The following DOCK2 variants were observed in gnomAD, a reference collection of about 807,000 sequenced individuals.
DOCK2 encodes dedicator of cytokinesis protein 2.
Under a neutral mutation model 248.9 loss-of-function variants are expected in DOCK2, and 87 were observed. That is an observed-to-expected ratio of 0.35 (90% CI 0.29 to 0.42). The LOEUF (loss-of-function observed/expected upper bound fraction) is 0.42. Ranked by LOEUF, DOCK2 falls within the 10% of genes least tolerant of loss-of-function variation. The probability of loss-of-function intolerance (pLI) is 1.00; values close to 1 mark genes in which losing one functional copy is unlikely to be tolerated. For synonymous variants in DOCK2, 805 were observed against 821.6 expected (o/e 0.98, Z 0.35); for missense variants, 1,747 against 2,300.2 (o/e 0.76, Z 4.92).
intron 27 of DOCK2, among the ~76,000 whole-genome samples, chr5:169,862,983 A>T (rs1023982161): frequency 6.6e-6 from 1 of 152,210 alleles, no homozygotes; most frequent in Non-Finnish European, 1.5e-5. Flanking sequence ...CCACATGCTG[A>T]TAGAGATTTT....
chr5:169,897,757 G>C (rs530146893), intron 27 of DOCK2, among the ~76,000 whole-genome samples: 1 of 152,152 alleles, frequency 6.6e-6, no homozygotes, highest in Non-Finnish European at 1.5e-5. Flanking sequence ...CCATCGTCAG[G>C]GCCACATGGG....
intron 27 of DOCK2, among the ~76,000 whole-genome samples, chr5:169,857,238 CA>C (rs1770940717): frequency 6.6e-6 from 1 of 152,156 alleles, no homozygotes; most frequent in African/African-American, 2.4e-5. Flanking sequence ...GCTTTAATTT[CA>C]AAAGTCATTT....
In DOCK2 at chr5:169,702,317, G is replaced by T; in HGVS notation, c.1273G>T (p.Asp425Tyr). Residue 425 changes from aspartate (D) to tyrosine (Y), a missense_variant, in exon 14 of 52, where the codon GAC becomes TAC. Asp to Tyr is a radical substitution (Grantham distance 160). This residue lies in a region of DOCK2 where 858 missense variants were observed against 1,183.5 expected (regional missense o/e 0.72). Transcript: ENST00000520908. ...EIIMPGDVRN[D>Y]IYITLLQGDF... is the part of the protein sequence containing the mutation. ...CTCTGCCTCAGGGGATGTCAGGAAC[G>T]ACATCTACATTACTCTCTTACAAGG... is the stretch of plus-strand genomic sequence containing the variant. 6.2e-7 allele frequency: 1 copy of T among 1,613,686 alleles called. No individual in the cohort carries two copies. Among genetic ancestry groups the T allele is most frequent in the Non-Finnish European group, 8.5e-7 (1 of 1,179,762 alleles).
intron 11 of DOCK2, 131 bp downstream of exon 11, chr5:169,698,580 G>A (rs2113453364): frequency 1.1e-6 from 1 of 941,142 alleles, no homozygotes; most frequent in South Asian, 1.5e-5. Flanking sequence ...GAAGCTCAGG[G>A]TGAGAATCAC....
At chr5:169,698,319 C>T in intron 10 of DOCK2, 55 bp from the exon 11 acceptor site, 1 of 1,567,438 alleles carries the variant, frequency 6.4e-7, no homozygotes, top group Non-Finnish European at 8.8e-7. Context: ...CCACTGTCAT[C>T]CCTTATGGGA....
At chr5:169,688,706 C>T (rs899699445) in intron 8 of DOCK2, among the ~76,000 whole-genome samples, 4 of 152,112 alleles carry the variant, frequency 2.6e-5, no homozygotes, top group Non-Finnish European at 5.9e-5. Flanking sequence ...AATAGTGTTA[C>T]AATGGCATTT....
intron 6 of DOCK2, 38 bp from the exon 7 acceptor site, chr5:169,681,706 C>A: frequency 6.2e-7 from 1 of 1,607,740 alleles, no homozygotes; most frequent in South Asian, 1.1e-5. Flanking sequence ...CTAAAGTTCT[C>A]CCCTGATTTG....
At chr5:169,957,319 A>G (rs1776909954) in intron 27 of DOCK2, among the ~76,000 whole-genome samples, 1 of 152,252 alleles carries the variant, frequency 6.6e-6, no homozygotes, top group South Asian at 2.1e-4. Flanking sequence ...GGATAGTAAG[A>G]GTTCCTACTT....
chr5:169,760,876 C>T (rs1303965191), intron 24 of DOCK2, among the ~76,000 whole-genome samples: 1 of 152,158 alleles, frequency 6.6e-6, no homozygotes, highest in East Asian at 1.9e-4. Flanking sequence ...TAAATGAATA[C>T]AATAAGTTTA....
intron 27 of DOCK2, among the ~76,000 whole-genome samples, chr5:169,874,210 C>A (rs1772166980): frequency 6.6e-6 from 1 of 151,994 alleles, no homozygotes; most frequent in African/African-American, 2.4e-5. Context: ...GTCAGGGGTT[C>A]AAGACCAGCC....
chr5:169,888,921 T>C (rs886691135), intron 27 of DOCK2, among the ~76,000 whole-genome samples: 3 of 152,198 alleles, frequency 2.0e-5, no homozygotes, highest in African/African-American at 7.2e-5. Flanking sequence ...GGCATTCCTT[T>C]GTGCAAGAAG....
At chr5:170,049,846 C>G (rs1321214507) in intron 40 of DOCK2, among the ~76,000 whole-genome samples, 1 of 152,174 alleles carries the variant, frequency 6.6e-6, no homozygotes, top group Non-Finnish European at 1.5e-5. Context: ...GAGCCAGAAG[C>G]CAGGTGATGA....
intron 25 of DOCK2, among the ~76,000 whole-genome samples, chr5:169,792,459 G>A (rs1431476203): frequency 6.7e-6 from 1 of 150,144 alleles, no homozygotes; most frequent in Non-Finnish European, 1.5e-5. Context: ...ATATGTGTGT[G>A]TGTGTGTGTG....
chr5:169,964,060 T>A (rs1251543164), intron 27 of DOCK2, among the ~76,000 whole-genome samples: 2 of 152,006 alleles, frequency 1.3e-5, no homozygotes, highest in Non-Finnish European at 2.9e-5. Flanking sequence ...TAAAGAAAGG[T>A]TGAGGTACAA....
At chr5:169,970,044 T>A (rs1245944084) in intron 27 of DOCK2, among the ~76,000 whole-genome samples, 1 of 152,262 alleles carries the variant, frequency 6.6e-6, no homozygotes, top group Non-Finnish European at 1.5e-5. Flanking sequence ...GATCTCTGGC[T>A]ACAGTGATGT....
At chr5:169,727,778 A>G (rs1762558604) in intron 22 of DOCK2, among the ~76,000 whole-genome samples, 1 of 152,262 alleles carries the variant, frequency 6.6e-6, no homozygotes, top group Non-Finnish European at 1.5e-5. Flanking sequence ...TTGTGCTTAA[A>G]ATGAAAAAAA....
intron 26 of DOCK2, among the ~76,000 whole-genome samples, chr5:169,829,400 T>C (rs532404579): frequency 3.7e-4 from 56 of 152,246 alleles, no homozygotes; most frequent in Non-Finnish European, 7.5e-4. Context: ...GCGTTTTCAT[T>C]AGCCCATGCA....
intron 46 of DOCK2, among the ~76,000 whole-genome samples, chr5:170,073,185 G>A (rs1757736085): frequency 1.3e-5 from 2 of 152,164 alleles, no homozygotes; most frequent in African/African-American, 2.4e-5. Context: ...AAAGTAAGAG[G>A]CAGATTATTT....
At chr5:169,669,238 A>ATTTATT (rs765359918) in intron 2 of DOCK2, 50 bp from the exon 3 acceptor site, 22 of 1,609,696 alleles carry the variant, frequency 1.4e-5, no homozygotes, top group Non-Finnish European at 1.4e-5. Flanking sequence ...AAACACTAGC[A>ATTTATT]ACAAACTTGT....
Sources: allele counts gnomAD v4.1 joint callset (sites outside exome capture counted in the v4.1 genomes callset), GRCh38; gene constraint gnomAD v4.1.1; regional missense constraint gnomAD v4.1.1; transcripts MANE v1.5; gene names NCBI Gene and HGNC (gene_info 2026-07-23, HGNC 2026-07-21).